ELMO1: variants seen among roughly 807,000 people sequenced by gnomAD.
ELMO1 encodes engulfment and cell motility protein 1.
ELMO1 carries 26 observed loss-of-function variants against 98.9 expected under a neutral mutation model. The ratio of observed to expected loss-of-function variants is 0.26; its 90% CI spans 0.19 to 0.36. The LOEUF is 0.36. Ranked by LOEUF, ELMO1 falls within the 10% of genes least tolerant of loss-of-function variation. The probability of loss-of-function intolerance (pLI) is 1.00; values close to 1 mark genes in which losing one functional copy is unlikely to be tolerated. For missense variants in ELMO1, 627 were observed against 935.2 expected (o/e 0.67, Z 4.30); for synonymous variants, 346 against 346.0 (o/e 1.00, Z 0.00).
chr7:36,919,240 T>G, intron 16 of ELMO1: 4 of 364,678 alleles, frequency 1.1e-5, no homozygotes. Flanking sequence ...AGCATTTGGT[T>G]AATAGTGACT....
intron 2 of ELMO1, among the ~76,000 whole-genome samples, chr7:37,321,448 T>C (rs1298547743): frequency 1.3e-5 from 2 of 152,022 alleles, no homozygotes; most frequent in African/African-American, 4.8e-5. Flanking sequence ...CCGGGCGCGG[T>C]GGTTCACGCT....
intron 4 of ELMO1, among the ~76,000 whole-genome samples, chr7:37,299,213 C>T (rs1365365431): frequency 1.5e-4 from 6 of 41,248 alleles, no homozygotes; most frequent in Non-Finnish European, 3.5e-4. Flanking sequence ...AGCCCTTTGT[C>T]AGATGAGTAG....
chr7:36,873,721 C>T (rs567690938), intron 19 of ELMO1, among the ~76,000 whole-genome samples: 2 of 152,178 alleles, frequency 1.3e-5, no homozygotes, highest in Admixed American at 1.3e-4. Flanking sequence ...GAGCACAGCC[C>T]CAAATGTGGT....
chr7:37,222,642 G>T lies in ELMO1; in HGVS notation c.753C>A (p.Phe251Leu). Residue 251 changes from phenylalanine (F) to leucine (L), a missense_variant, in exon 10 of 22, where the codon TTC becomes TTA. By Grantham distance (22) the Phe-to-Leu change is conservative. Transcript: ENST00000310758. ...TYTIAVINAL[F>L]LKAPDERRQE... is the part of the protein sequence containing the mutation. ...GCCTCCTCTCATCAGGAGCCTTCAG[G>T]AAAAGCGCATTAATCACTGCAATAG... is the stretch of plus-strand genomic sequence containing the variant. 6.2e-7 allele frequency: 1 copy of T among 1,614,070 alleles called. No individual in the cohort carries two copies. Among genetic ancestry groups the T allele is most frequent in the Non-Finnish European group, 8.5e-7 (1 of 1,179,940 alleles).
At chr7:36,874,172 A>G (rs1479653461) in intron 19 of ELMO1, among the ~76,000 whole-genome samples, 1 of 152,236 alleles carries the variant, frequency 6.6e-6, no homozygotes, top group Non-Finnish European at 1.5e-5. Context: ...CTTGTCTGCA[A>G]TTTGTAACTC....
chr7:37,292,782 A>AGGTG (rs1273620056), intron 4 of ELMO1, among the ~76,000 whole-genome samples: 1 of 88,408 alleles, frequency 1.1e-5, no homozygotes, highest in Non-Finnish European at 2.4e-5. Context: ...TCTGGGAGGG[A>AGGTG]GGGAGGTGGG....
intron 1 of ELMO1, among the ~76,000 whole-genome samples, chr7:37,427,559 A>G (rs1349400918): frequency 6.6e-6 from 1 of 152,246 alleles, no homozygotes; most frequent in East Asian, 1.9e-4. Flanking sequence ...CATAAATAAA[A>G]TGACTCAGGA....
intron 1 of ELMO1, among the ~76,000 whole-genome samples, chr7:37,391,791 C>CT (rs1803089966): frequency 6.6e-6 from 1 of 152,196 alleles, no homozygotes; most frequent in African/African-American, 2.4e-5. Flanking sequence ...CAGGGAAGAG[C>CT]TGGCTTTTAT....
intron 2 of ELMO1, among the ~76,000 whole-genome samples, chr7:37,320,271 C>G (rs1252936665): frequency 2.0e-5 from 3 of 149,272 alleles, no homozygotes; most frequent in Non-Finnish European, 4.5e-5. Flanking sequence ...GAGCAAGACT[C>G]TGTCTCAAAA....
intron 16 of ELMO1, among the ~76,000 whole-genome samples, chr7:36,935,588 G>C (rs1406438251): frequency 1.3e-5 from 2 of 152,070 alleles, no homozygotes; most frequent in Non-Finnish European, 2.9e-5. Flanking sequence ...ATTCAGGTGG[G>C]GCATTCTCCC....
At chr7:37,048,021 C>T (rs982913119) in intron 15 of ELMO1, among the ~76,000 whole-genome samples, 1 of 152,172 alleles carries the variant, frequency 6.6e-6, no homozygotes, top group Non-Finnish European at 1.5e-5. Context: ...CATTGGTTTG[C>T]CTTGTAGAAC....
chr7:37,057,659 G>C (rs1315294402), intron 15 of ELMO1, among the ~76,000 whole-genome samples: 1 of 152,174 alleles, frequency 6.6e-6, no homozygotes, highest in Non-Finnish European at 1.5e-5. Context: ...GGAGAAGCTA[G>C]TTTGTCCTTT....
At chr7:37,391,583 A>G (rs763475036) in intron 1 of ELMO1, among the ~76,000 whole-genome samples, 4 of 152,212 alleles carry the variant, frequency 2.6e-5, no homozygotes, top group Non-Finnish European at 4.4e-5. Flanking sequence ...CAGAGTTTAT[A>G]CCAGGAGGTG....
At chr7:37,112,526 GA>G (rs1785313246) in intron 14 of ELMO1, among the ~76,000 whole-genome samples, 1 of 152,204 alleles carries the variant, frequency 6.6e-6, no homozygotes, top group African/African-American at 2.4e-5. Flanking sequence ...AGACAGGTGT[GA>G]ATGACATTAA....
chr7:37,097,938 A>G (rs1719401133), intron 14 of ELMO1, among the ~76,000 whole-genome samples: 1 of 152,206 alleles, frequency 6.6e-6, no homozygotes, highest in East Asian at 1.9e-4. Flanking sequence ...CTCTTTTCTT[A>G]AGCTAATTTG....
At chr7:37,361,700 C>A (rs1264829010) in intron 1 of ELMO1, among the ~76,000 whole-genome samples, 1 of 152,162 alleles carries the variant, frequency 6.6e-6, no homozygotes, top group Admixed American at 6.5e-5. Flanking sequence ...GGCTCAAGCC[C>A]GTAATCCCAG....
intron 16 of ELMO1, among the ~76,000 whole-genome samples, chr7:36,940,082 G>T (rs1786900111): frequency 6.6e-6 from 1 of 152,212 alleles, no homozygotes. Context: ...GGCATATGTT[G>T]TTGCCATTCC....
chr7:37,032,204 C>T (rs1471743902), intron 15 of ELMO1, among the ~76,000 whole-genome samples: 3 of 152,248 alleles, frequency 2.0e-5, no homozygotes, highest in Middle Eastern at 6.8e-3. Context: ...AACTTGCTCT[C>T]CCTTCCTTTT....
chr7:36,916,142 G>C (rs888561510), intron 16 of ELMO1, among the ~76,000 whole-genome samples: 2 of 152,220 alleles, frequency 1.3e-5, no homozygotes, highest in African/African-American at 4.8e-5. Flanking sequence ...GACCAGAACA[G>C]GTGTTCCATA....
Sources: allele counts gnomAD v4.1 joint callset (sites outside exome capture counted in the v4.1 genomes callset), GRCh38; gene constraint gnomAD v4.1.1; transcripts MANE v1.5; gene names NCBI Gene and HGNC (gene_info 2026-07-23, HGNC 2026-07-21).